The following AQP9 variants were observed in gnomAD, a reference collection of about 807,000 sequenced individuals.
The protein encoded by AQP9 is aquaporin 9.
AQP9 carries 19 observed loss-of-function variants against 23.8 expected under a neutral mutation model. The ratio of observed to expected loss-of-function variants is 0.80; its 90% CI spans 0.56 to 1.17. The LOEUF is 1.17. Ranked by LOEUF, AQP9 falls within the 50% of genes most tolerant of loss-of-function variation. The pLI, the probability that AQP9 is intolerant of heterozygous loss-of-function variation, is 0.00. For synonymous variants in AQP9, 153 were observed against 131.5 expected, an observed-to-expected ratio of 1.16 and a Z score of -1.12; for missense variants, 413 against 362.0, an observed-to-expected ratio of 1.14 and a Z score of -1.14.
Position 58,184,186 on chromosome 15 carries a change from G to T in AQP9, c.*51G>T, listed in dbSNP as rs1898961699. On this transcript the variant is annotated 3_prime_UTR_variant, in exon 6 of 6. Transcript: ENST00000219919. Reference sequence around the variant, plus strand: ...GTCAGTTTGGGATTCTCTTCAGAAAGATGGCATCTAAGTGTCTGTGTTCTT... The same window carrying T: ...GTCAGTTTGGGATTCTCTTCAGAAATATGGCATCTAAGTGTCTGTGTTCTT... The T allele has an allele frequency of 2.5e-6, 4 of 1,578,738 alleles. No individual in the cohort carries two copies. The East Asian group carries it at 9.0e-5, about 36-fold the overall frequency.
At chr15:58,160,740 C>T (rs761914867) in intron 1 of AQP9, among the ~76,000 whole-genome samples, 4 of 151,918 alleles carry the variant, frequency 2.6e-5, no homozygotes, top group East Asian at 1.9e-4. Context: ...AATGTGCAGA[C>T]GTGATAGAGT....
chr15:58,177,127 C>T (rs1202354212), intron 4 of AQP9, among the ~76,000 whole-genome samples: 5 of 152,222 alleles, frequency 3.3e-5, no homozygotes, highest in African/African-American at 1.2e-4. Context: ...CAACACCCAA[C>T]AGAGCTCTTG....
Position 58,185,747 on chromosome 15 carries a change from A to T in AQP9, c.*1612A>T, listed in dbSNP as rs1899016638. ...AAAGCCCAGAATTCCCAAAGGCATT[A>T]GGTTTCCCAACTGCTTTGTGCTGAT... is the stretch of plus-strand genomic sequence containing the variant. On this transcript the variant is annotated 3_prime_UTR_variant, in exon 6 of 6. Coordinates refer to ENST00000219919, the MANE Select transcript of AQP9 (RefSeq NM_020980.5). The T allele has an allele frequency of 6.6e-6, 1 of 152,260 alleles. No homozygotes were observed. Among genetic ancestry groups the T allele is most frequent in the South Asian group, 2.1e-4 (1 of 4,838 alleles). The allele number at this position is 152,260 out of a possible 1,614,324, so 9.4% of individuals were successfully genotyped here. A position where few individuals can be genotyped will look rare whatever the true frequency, so the allele number is the denominator to read the frequency against.
At chr15:58,157,258 G>T (rs1283340054) in intron 1 of AQP9, among the ~76,000 whole-genome samples, 4 of 152,176 alleles carry the variant, frequency 2.6e-5, no homozygotes, top group African/African-American at 7.2e-5. Flanking sequence ...TCATGTTCTT[G>T]GGTCATGTTG....
At chr15:58,167,917 G>T (rs1204799726) in intron 2 of AQP9, among the ~76,000 whole-genome samples, 1 of 152,080 alleles carries the variant, frequency 6.6e-6, no homozygotes, top group Non-Finnish European at 1.5e-5. Context: ...TAGAGACGGG[G>T]TTTCACCATG....
chr15:58,162,798 G>A (rs894133953), intron 1 of AQP9, among the ~76,000 whole-genome samples: 1 of 152,274 alleles, frequency 6.6e-6, no homozygotes, highest in East Asian at 1.9e-4. Context: ...GCATGAATAT[G>A]CAAGCTTTCA....
chr15:58,181,880 T>C (rs939191526), intron 5 of AQP9, among the ~76,000 whole-genome samples: 1 of 152,108 alleles, frequency 6.6e-6, no homozygotes, highest in Non-Finnish European at 1.5e-5. Context: ...CCCAAAACCT[T>C]TGAGGGACAA....
At chr15:58,139,236 T>A (rs1426563748) in intron 1 of AQP9, among the ~76,000 whole-genome samples, 2 of 152,248 alleles carry the variant, frequency 1.3e-5, no homozygotes, top group African/African-American at 4.8e-5. Flanking sequence ...GCTTTAGTTT[T>A]GTGTCATTTT....
At chr15:58,174,203 T>C (rs1595743690) in intron 3 of AQP9, among the ~76,000 whole-genome samples, 1 of 151,976 alleles carries the variant, frequency 6.6e-6, no homozygotes, top group East Asian at 1.9e-4. Flanking sequence ...AGAGGATTGC[T>C]TCAGCCCAGA....
At position 58,173,111 on chromosome 15, in the gene AQP9, T is replaced by C. The variant is rs749562226; in HGVS notation, c.282T>C (p.Phe94=). 5 of 1,614,052 alleles carry C rather than the reference T, an allele frequency of 3.1e-6. No homozygotes were observed. Among genetic ancestry groups the C allele is most frequent in the Middle Eastern group, 1.7e-4 (1 of 6,058 alleles). Residue 94 remains phenylalanine (F), a synonymous_variant, in exon 3 of 6, where the codon TTT becomes TTC. Transcript: ENST00000219919. The part of the protein sequence containing the change: ...NPAVSLAMCL[F]GRMKWFKLPF... ...CTGTGTCTTTAGCAATGTGTCTCTT[T>C]GGACGGATGAAATGGTTCAAATTGC... is the stretch of plus-strand genomic sequence containing the variant.
chr15:58,151,018 G>A (rs1336985711), intron 1 of AQP9: 1 of 152,232 alleles, frequency 6.6e-6, no homozygotes, highest in South Asian at 2.1e-4. Flanking sequence ...GATTATGATA[G>A]ACTATATTTA....
chr15:58,174,783 G>C, intron 3 of AQP9, 135 bp from the exon 4 acceptor site: 1 of 722,094 alleles, frequency 1.4e-6, no homozygotes, highest in Non-Finnish European at 2.4e-6. Context: ...TCATTCCTCG[G>C]AAGTAGAGAG....
At chr15:58,166,009 C>T (rs187112351) in intron 1 of AQP9, among the ~76,000 whole-genome samples, 8 of 152,290 alleles carry the variant, frequency 5.3e-5, no homozygotes, top group African/African-American at 1.9e-4. Flanking sequence ...TTTTCTTGTA[C>T]ATCAGACATT....
At chr15:58,182,317 G>A (rs548006107) in intron 5 of AQP9, among the ~76,000 whole-genome samples, 89 of 152,214 alleles carry the variant, frequency 5.8e-4, no homozygotes, top group African/African-American at 1.8e-3. Flanking sequence ...GGCATCTCCC[G>A]AATCATAGTG....
intron 5 of AQP9, among the ~76,000 whole-genome samples, chr15:58,180,050 T>C (rs1322218497): frequency 5.9e-5 from 9 of 152,194 alleles, no homozygotes; most frequent in Admixed American, 5.9e-4. Flanking sequence ...GACTCCACAC[T>C]TTCTACTTCA....
chr15:58,169,697 C>T (rs1300152676), intron 2 of AQP9, among the ~76,000 whole-genome samples: 1 of 152,142 alleles, frequency 6.6e-6, no homozygotes, highest in Non-Finnish European at 1.5e-5. Context: ...AAAACATCAC[C>T]TTATTGTAAA....
intron 1 of AQP9, among the ~76,000 whole-genome samples, chr15:58,140,251 G>C (rs1897929384): frequency 6.8e-6 from 1 of 146,022 alleles, no homozygotes; most frequent in South Asian, 2.1e-4. Context: ...TATTTCTTAA[G>C]AAGAACCTGT....
At chr15:58,141,787 G>C (rs1173765088) in intron 1 of AQP9, among the ~76,000 whole-genome samples, 1 of 152,168 alleles carries the variant, frequency 6.6e-6, no homozygotes, top group African/African-American at 2.4e-5. Context: ...AGACACTCTA[G>C]GGCTTTAAAA....
intron 1 of AQP9, among the ~76,000 whole-genome samples, chr15:58,161,608 A>C (rs1211807070): frequency 2.4e-4 from 37 of 152,224 alleles, no homozygotes; most frequent in Non-Finnish European, 2.9e-5. Flanking sequence ...TGTATTTGTT[A>C]TAGATGTCTT....
Sources: allele counts gnomAD v4.1 joint callset (sites outside exome capture counted in the v4.1 genomes callset), GRCh38; gene constraint gnomAD v4.1.1; transcripts MANE v1.5; gene names NCBI Gene and HGNC (gene_info 2026-07-23, HGNC 2026-07-21).